Variants in DEFB131A observed in about 807,000 individuals in gnomAD.
DEFB131A encodes beta-defensin 131A.
In DEFB131A, 5 loss-of-function variants were observed where a neutral mutation model predicts 2.4. The ratio of observed to expected loss-of-function variants is 2.12; its 90% CI spans 1.11 to 4.47. The LOEUF (loss-of-function observed/expected upper bound fraction) is 4.47, where lower values mean the gene tolerates loss of function less well. Among genes scored for constraint, DEFB131A ranks in the 30% most tolerant of loss-of-function variants. The pLI, the probability that DEFB131A is intolerant of heterozygous loss-of-function variation, is 0.00. For missense variants in DEFB131A, 120 were observed against 79.9 expected (o/e 1.50, Z -1.91); for synonymous variants, 34 against 25.7 (o/e 1.32, Z -0.97).
chr4:9,446,932 C>A (rs1577079675), intron 1 of DEFB131A, among the ~76,000 whole-genome samples: 1 of 151,930 alleles, frequency 6.6e-6, no homozygotes, highest in African/African-American at 2.4e-5. Context: ...TAGTTCTATT[C>A]TATTTTTGTC....
intron 1 of DEFB131A, among the ~76,000 whole-genome samples, chr4:9,446,360 C>A (rs1382008448): frequency 6.6e-6 from 1 of 151,778 alleles, no homozygotes; most frequent in African/African-American, 2.4e-5. Flanking sequence ...AAAAAAAATT[C>A]TTCGTATGGA....
chr4:9,447,322 G>A (rs544428491), intron 1 of DEFB131A, among the ~76,000 whole-genome samples: 92 of 152,006 alleles, frequency 6.1e-4, no homozygotes, highest in African/African-American at 2.1e-3. Context: ...TTGCTGAATT[G>A]GCCCTTTTAT....
At chr4:9,448,814 AC>A (rs561258945) in intron 1 of DEFB131A, among the ~76,000 whole-genome samples, 374 of 152,278 alleles carry the variant, frequency 2.5e-3, no homozygotes, top group African/African-American at 8.5e-3. Flanking sequence ...CATTTATTTA[AC>A]ATGATACTAA....
intron 1 of DEFB131A, among the ~76,000 whole-genome samples, chr4:9,445,574 C>G (rs1717473148): frequency 1.3e-5 from 2 of 151,180 alleles, no homozygotes; most frequent in South Asian, 4.2e-4. Flanking sequence ...CATTTTAATA[C>G]TTAACAATTC....
intron 1 of DEFB131A, among the ~76,000 whole-genome samples, chr4:9,446,501 G>A (rs1403837929): frequency 6.6e-6 from 1 of 151,946 alleles, no homozygotes; most frequent in Non-Finnish European, 1.5e-5. Flanking sequence ...GGTTAGTCTA[G>A]CTAGCAGTTT....
chr4:9,444,708 G>A, intron 1 of DEFB131A, 117 bp downstream of exon 1: 3 of 1,004,946 alleles, frequency 3.0e-6, no homozygotes, highest in Non-Finnish European at 4.4e-6. Context: ...TACCATGAAG[G>A]CTGCTCAGAG....
At chr4:9,445,622 A>G (rs1164042198) in intron 1 of DEFB131A, among the ~76,000 whole-genome samples, 1 of 151,792 alleles carries the variant, frequency 6.6e-6, no homozygotes, top group African/African-American at 2.4e-5. Context: ...ATGATTCAAG[A>G]TTCCCTTATT....
In DEFB131A at chr4:9,450,487, T is replaced by C; in HGVS notation, c.186T>C (p.Ile62=). ...DFSICCKLKI[I]EIDGQKKW is the part of the protein sequence containing the mutation. ...GCATCTGCTGCAAACTGAAGATCATTGAAATTGACGGACAAAAGAAGTGGT... is the reference window on the plus strand; with the variant it reads ...GCATCTGCTGCAAACTGAAGATCATCGAAATTGACGGACAAAAGAAGTGGT... The change falls in exon 2 of 2, where the codon ATT becomes ATC. Residue 62 remains isoleucine, a synonymous_variant. Coordinates refer to ENST00000334879, the MANE Select transcript of DEFB131A (RefSeq NM_001040448.3). The C allele has an allele frequency of 6.2e-7, 1 of 1,610,354 alleles. No individual in the cohort carries two copies. Among genetic ancestry groups the C allele is most frequent in the Non-Finnish European group, 8.5e-7 (1 of 1,179,146 alleles).
At chr4:9,445,386 C>T (rs1306421676) in intron 1 of DEFB131A, among the ~76,000 whole-genome samples, 1 of 152,030 alleles carries the variant, frequency 6.6e-6, no homozygotes, top group African/African-American at 2.4e-5. Context: ...TAAGATTCCA[C>T]CTTAATTTTT....
Position 9,450,560 on chromosome 4 carries a change from C to A in DEFB131A, c.*46C>A, listed in dbSNP as rs767733509. On this transcript the variant is annotated 3_prime_UTR_variant, in exon 2 of 2. Coordinates refer to ENST00000334879, the MANE Select transcript of DEFB131A (RefSeq NM_001040448.3). Reference sequence around the variant, plus strand: ...TCAGACTCCGGGACAAAAAACATGTCTTAAACTCTCTTATCTATGAATAAT... The same window carrying A: ...TCAGACTCCGGGACAAAAAACATGTATTAAACTCTCTTATCTATGAATAAT... The A allele has an allele frequency of 2.5e-6, 4 of 1,574,618 alleles. No individual in the cohort carries two copies. The South Asian group carries it at 3.5e-5, about 14-fold the overall frequency.
chr4:9,446,974 A>G (rs1717519857), intron 1 of DEFB131A, among the ~76,000 whole-genome samples: 1 of 152,086 alleles, frequency 6.6e-6, no homozygotes, highest in African/African-American at 2.4e-5. Flanking sequence ...TTGATTTTTC[A>G]AAATTTGTTG....
At chr4:9,449,256 C>T (rs1245465585) in intron 1 of DEFB131A, among the ~76,000 whole-genome samples, 5 of 144,146 alleles carry the variant, frequency 3.5e-5, no homozygotes, top group African/African-American at 5.1e-5. Flanking sequence ...AATATCCATA[C>T]TATTCAAAGC....
rs1717639298 is a variant in DEFB131A, at chr4:9,450,641, G to C, written c.*127G>C. On this transcript the variant is annotated 3_prime_UTR_variant, in exon 2 of 2. Coordinates refer to ENST00000334879, the MANE Select transcript of DEFB131A (RefSeq NM_001040448.3). ...CATGTTTAGATGGTCAGGTGAAAAT[G>C]AATATAAATTTTATAAATGCTTCCA... 1 of 1,337,248 alleles carries C rather than the reference G, an allele frequency of 7.5e-7. No individual in the cohort carries two copies. Among genetic ancestry groups the C allele is most frequent in the African/African-American group, 1.5e-5 (1 of 68,004 alleles). The allele number at this position is 1,337,248 out of a possible 1,614,324, so 82.8% of individuals were successfully genotyped here.
rs1281768445 is a variant in DEFB131A, at chr4:9,450,624, G to C, written c.*110G>C. 1.9e-5 allele frequency: 27 copies of C among 1,408,536 alleles called. No individual in the cohort carries two copies. The highest frequency in any genetic ancestry group is 1.0e-4 in the African/African-American group (7 of 69,720). 87.3% of individuals were successfully genotyped at this position (1,408,536 alleles called of 1,614,324 possible). A position where few individuals can be genotyped will look rare whatever the true frequency, so the allele number is the denominator to read the frequency against. ...GAAAATTATTATAATTGCATGTTTA[G>C]ATGGTCAGGTGAAAATGAATATAAA... On this transcript the variant is annotated 3_prime_UTR_variant, in exon 2 of 2. Coordinates refer to ENST00000334879, the MANE Select transcript of DEFB131A (RefSeq NM_001040448.3).
At position 9,450,248 on chromosome 4, in the gene DEFB131A, G is replaced by GT; in HGVS notation, c.59-107dup. 5.7e-6 allele frequency: 7 copies of GT among 1,229,444 alleles called. No homozygotes were observed. The South Asian group carries it at 2.1e-4, about 37-fold the overall frequency. 76.2% of individuals were successfully genotyped at this position (1,229,444 alleles called of 1,614,324 possible). A position where few individuals can be genotyped will look rare whatever the true frequency, so the allele number is the denominator to read the frequency against. On this transcript the variant is annotated intron_variant, in intron 1 of 1. Coordinates refer to ENST00000334879, the MANE Select transcript of DEFB131A (RefSeq NM_001040448.3). ...TCTTGCATTTTTTGCTGTTGATTTT[G>GT]TTTTTCTGGGAAAGTTCTGTAATGT...
Position 9,444,467 on chromosome 4 carries a change from G to C in DEFB131A, c.-67G>C. On this transcript the variant is annotated 5_prime_UTR_variant, in exon 1 of 2. Coordinates refer to ENST00000334879, the MANE Select transcript of DEFB131A (RefSeq NM_001040448.3). ...CAACAACTCACCTCTTCAGAGAACT[G>C]AATGTACACAGAAGTCCTCTTCATC... The C allele has an allele frequency of 6.4e-7, 1 of 1,567,808 alleles. No homozygotes were observed. The highest frequency in any genetic ancestry group is 2.2e-5 in the East Asian group (1 of 44,650).
intron 1 of DEFB131A, among the ~76,000 whole-genome samples, chr4:9,444,908 CA>C (rs60893274): frequency 0.055 from 7,532 of 136,670 alleles, 455 homozygotes; most frequent in African/African-American, 0.18. Flanking sequence ...CCCATCTCTC[CA>C]AAAAAAAAAA....
At chr4:9,446,746 C>T (rs181416834) in intron 1 of DEFB131A, among the ~76,000 whole-genome samples, 1 of 152,192 alleles carries the variant, frequency 6.6e-6, no homozygotes, top group Admixed American at 6.5e-5. Context: ...TCTCTTAGCA[C>T]TGTCTTTGTT....
chr4:9,447,742 C>A (rs1299958852), intron 1 of DEFB131A, among the ~76,000 whole-genome samples: 3 of 150,820 alleles, frequency 2.0e-5, no homozygotes, highest in African/African-American at 2.4e-5. Flanking sequence ...AACTTATCTT[C>A]AAATATGATT....
Sources: gnomAD v4.1 joint callset for allele counts (sites outside exome capture counted in the v4.1 genomes callset) on GRCh38, gnomAD v4.1.1 for gene constraint, MANE v1.5 for transcripts, NCBI Gene and HGNC (gene_info 2026-07-23, HGNC 2026-07-21) for gene names.